Variants in MFN2 observed in about 807,000 individuals in gnomAD.
MFN2 encodes mitofusin 2, also known as mitofusin-2.
Under a neutral mutation model 87.5 loss-of-function variants are expected in MFN2, and 43 were observed. That is an observed-to-expected ratio of 0.49 (90% CI 0.38 to 0.63). The LOEUF (loss-of-function observed/expected upper bound fraction) is 0.63, where lower values mean the gene tolerates loss of function less well. Among genes scored for constraint, MFN2 ranks in the 30% least tolerant of loss-of-function variants. MFN2 has a pLI of 0.00. For synonymous variants in MFN2, 337 were observed against 359.9 expected (o/e 0.94, Z 0.72); for missense variants, 743 against 972.8 (o/e 0.76, Z 3.14).
chr1:11,989,094 T>C (rs1638555415), intron 2 of MFN2, 71 bp from the exon 3 acceptor site: 13 of 1,532,226 alleles, frequency 8.5e-6, no homozygotes, highest in Non-Finnish European at 9.9e-6. Context: ...CCCAAAGCAT[T>C]CCGCCATCTC....
At chr1:11,993,293 G>A (rs1638773290) in intron 4 of MFN2, among the ~76,000 whole-genome samples, 1 of 150,888 alleles carries the variant, frequency 6.6e-6, no homozygotes, top group African/African-American at 2.4e-5. Context: ...TTTAATACAC[G>A]TGTTCTTAAC....
intron 2 of MFN2, among the ~76,000 whole-genome samples, chr1:11,982,768 G>A (rs1177700764): frequency 6.6e-6 from 1 of 152,156 alleles, no homozygotes; most frequent in Non-Finnish European, 1.5e-5. Flanking sequence ...TTAGAACTGG[G>A]TTCATTTCTG....
At chr1:11,993,086 T>C (rs1286394388) in intron 4 of MFN2, among the ~76,000 whole-genome samples, 1 of 151,456 alleles carries the variant, frequency 6.6e-6, no homozygotes, top group South Asian at 2.1e-4. Context: ...CAAGAGCTTT[T>C]TCATCTTGCA....
At chr1:11,997,663 CA>C (rs1638970482) in intron 6 of MFN2, among the ~76,000 whole-genome samples, 2 of 152,084 alleles carry the variant, frequency 1.3e-5, no homozygotes, top group African/African-American at 4.8e-5. Flanking sequence ...GAGGGATGCT[CA>C]AAAGTTGGTG....
chr1:11,994,359 C>T (rs1259487031), intron 4 of MFN2, among the ~76,000 whole-genome samples: 4 of 152,182 alleles, frequency 2.6e-5, no homozygotes, highest in African/African-American at 9.7e-5. Flanking sequence ...GAGGCCAAGG[C>T]AGGCAGATCA....
chr1:11,988,084 T>TGTGTGTGTGTGTGTG (rs1553140706), intron 2 of MFN2, among the ~76,000 whole-genome samples: 9 of 144,230 alleles, frequency 6.2e-5, no homozygotes, highest in African/African-American at 2.0e-4. Flanking sequence ...CCAATAGTTT[T>TGTGTGTGTGTGTGTG]TGTGTGTGTG....
At chr1:11,992,978 T>TTTC (rs1638757831) in intron 4 of MFN2, among the ~76,000 whole-genome samples, 2 of 151,266 alleles carry the variant, frequency 1.3e-5, no homozygotes, top group Admixed American at 6.6e-5. Flanking sequence ...TTTTTTTTTT[T>TTTC]TATTTTCTAA....
intron 8 of MFN2, among the ~76,000 whole-genome samples, chr1:11,999,833 G>A (rs1275847977): frequency 1.3e-5 from 2 of 150,572 alleles, no homozygotes; most frequent in East Asian, 2.1e-4. Flanking sequence ...GGTGGCTCAC[G>A]CCTGTAATCC....
chr1:11,980,913 TA>T (rs1645971628), intron 1 of MFN2, among the ~76,000 whole-genome samples: 1 of 152,206 alleles, frequency 6.6e-6, no homozygotes, highest in Admixed American at 6.5e-5. Context: ...CACCGGACTG[TA>T]AGGCCCTGGA....
chr1:12,010,319 G>T (rs911824066), intron 18 of MFN2, among the ~76,000 whole-genome samples: 1 of 152,220 alleles, frequency 6.6e-6, no homozygotes, highest in East Asian at 1.9e-4. Context: ...GTGCTGAACC[G>T]CAGGGCCTAC....
chr1:12,010,544 G>A (rs1639648608), intron 18 of MFN2, among the ~76,000 whole-genome samples: 1 of 152,132 alleles, frequency 6.6e-6, no homozygotes, highest in African/African-American at 2.4e-5. Flanking sequence ...CCACAGAGAA[G>A]CTGGTTACTT....
Position 11,996,178 on chromosome 1 carries a change from G to C in MFN2, c.334G>C (p.Val112Leu). The C allele has an allele frequency of 1.9e-6, 3 of 1,614,196 alleles. No homozygotes were observed. Among genetic ancestry groups the C allele is most frequent in the Non-Finnish European group, 2.5e-6 (3 of 1,180,034 alleles). Reference sequence around the variant, plus strand: ...TAGGACGAGCAATGGGAAGAGCACCGTGATCAATGCCATGCTCTGGGACAA... The same window carrying C: ...TAGGACGAGCAATGGGAAGAGCACCCTGATCAATGCCATGCTCTGGGACAA... The part of the protein sequence containing the change: ...FGRTSNGKST[V>L]INAMLWDKVL... Residue 112 changes from valine (V) to leucine (L), a missense_variant, in exon 5 of 19, where the codon GTG (valine) becomes CTG (leucine). Val to Leu is a conservative substitution (Grantham distance 32, BLOSUM62 1). Transcript: ENST00000235329.
chr1:11,991,855 C>T lies in MFN2; in HGVS notation c.176-700C>T, dbSNP rs1478453642. Among the ~76,000 whole-genome samples, 867 of 126,004 alleles carry T rather than the reference C, an allele frequency of 6.9e-3. 10 individuals carry two copies. Among genetic ancestry groups the T allele is most frequent in the African/African-American group, 0.025 (823 of 33,088 alleles). 82.7% of individuals were successfully genotyped at this position (126,004 alleles called of 152,430 possible). On this transcript the variant is annotated intron_variant, in intron 3 of 18. Transcript: ENST00000235329. Reference sequence around the variant, plus strand: ...AGGAGAATGGCGTGAACCCGGGAGGCGGAGCTTGCAGTGAGCCCAGATCCC... The same window carrying T: ...AGGAGAATGGCGTGAACCCGGGAGGTGGAGCTTGCAGTGAGCCCAGATCCC...
chr1:11,998,094 G>T (rs995532666), intron 6 of MFN2, among the ~76,000 whole-genome samples: 1 of 150,968 alleles, frequency 6.6e-6, no homozygotes, highest in East Asian at 2.0e-4. Context: ...ATGTTGGCCA[G>T]GCTGGTCTTG....
At chr1:12,008,527 G>A (rs556062680) in intron 17 of MFN2, among the ~76,000 whole-genome samples, 2 of 151,914 alleles carry the variant, frequency 1.3e-5, no homozygotes, top group South Asian at 2.1e-4. Flanking sequence ...CTTCCCAGAC[G>A]GGGGCGGCTG....
Position 12,003,974 on chromosome 1 carries a change from C to T in MFN2, c.1161-18C>T, listed in dbSNP as rs1351551038. The T allele has an allele frequency of 6.2e-7, 1 of 1,614,024 alleles. No individual in the cohort carries two copies. Among genetic ancestry groups the T allele is most frequent in the African/African-American group, 1.3e-5 (1 of 74,938 alleles). Reference sequence around the variant, plus strand: ...GTCAGACAGGAACATGGATTTCTCACCAGTACTCTGCTTTCAGGGTTTACT... The same window carrying T: ...GTCAGACAGGAACATGGATTTCTCATCAGTACTCTGCTTTCAGGGTTTACT... On this transcript the variant is annotated intron_variant, in intron 11 of 18. Coordinates refer to ENST00000235329, the MANE Select transcript of MFN2 (RefSeq NM_014874.4). The surrounding 1 kb of genome is among the most constrained non-coding windows in gnomAD (Gnocchi z 4.1).
chr1:11,990,475 C>T (rs554053940), intron 3 of MFN2, among the ~76,000 whole-genome samples: 2 of 152,338 alleles, frequency 1.3e-5, no homozygotes, highest in South Asian at 2.1e-4. Context: ...TCAGGCCGCT[C>T]CCCTCTGGGA....
intron 2 of MFN2, among the ~76,000 whole-genome samples, chr1:11,987,635 A>G (rs1287378971): frequency 6.6e-6 from 1 of 150,952 alleles, no homozygotes; most frequent in African/African-American, 2.4e-5. Context: ...GTCTCAGAAA[A>G]AAAAAAAAAA....
chr1:12,007,280 A>G, intron 17 of MFN2, 31 bp downstream of exon 17: 1 of 1,608,142 alleles, frequency 6.2e-7, no homozygotes, highest in Non-Finnish European at 8.5e-7. Flanking sequence ...CCAGCAGGGG[A>G]CTTCCTTTAG....
Sources: gnomAD v4.1 joint callset for allele counts (sites outside exome capture counted in the v4.1 genomes callset) on GRCh38, gnomAD v4.1.1 for gene constraint, Gnocchi (gnomAD v3.1) non-coding constraint, MANE v1.5 for transcripts, NCBI Gene and HGNC (gene_info 2026-07-23, HGNC 2026-07-21) for gene names.